KYNU: variants seen among roughly 807,000 people sequenced by gnomAD.
The protein encoded by KYNU is kynureninase.
In KYNU, 54 loss-of-function variants were observed where a neutral mutation model predicts 59.2. The ratio of observed to expected loss-of-function variants is 0.91; its 90% CI spans 0.73 to 1.14. The LOEUF (loss-of-function observed/expected upper bound fraction) is 1.14. Among genes scored for constraint, KYNU ranks in the 50% most tolerant of loss-of-function variants. The pLI, the probability that KYNU is intolerant of heterozygous loss-of-function variation, is 0.00. For missense variants in KYNU, 567 were observed against 554.4 expected, an observed-to-expected ratio of 1.02 and a Z score of -0.23; for synonymous variants, 177 against 192.0, an observed-to-expected ratio of 0.92 and a Z score of 0.65.
chr2:143,010,254 T>C (rs1396269448), intron 10 of KYNU, among the ~76,000 whole-genome samples: 1 of 78,812 alleles, frequency 1.3e-5, no homozygotes, highest in Non-Finnish European at 2.3e-5. Flanking sequence ...ACAAGCATTC[T>C]TATACACCAA....
At chr2:142,945,569 G>T (rs570036568) in intron 4 of KYNU, among the ~76,000 whole-genome samples, 2 of 152,052 alleles carry the variant, frequency 1.3e-5, no homozygotes, top group South Asian at 4.2e-4. Flanking sequence ...AACTTCCCCA[G>T]TTCCTGTTCA....
chr2:142,929,912 C>T (rs1224188893), intron 4 of KYNU, among the ~76,000 whole-genome samples: 1 of 152,168 alleles, frequency 6.6e-6, no homozygotes, highest in Non-Finnish European at 1.5e-5. Flanking sequence ...GTTCTAGTCT[C>T]TCAGTTCATC....
intron 10 of KYNU, among the ~76,000 whole-genome samples, chr2:143,013,363 G>C (rs1410956525): frequency 1.3e-5 from 2 of 150,204 alleles, no homozygotes; most frequent in African/African-American, 2.5e-5. Context: ...GGACACTTAG[G>C]TTGATCCCAA....
At chr2:142,961,078 A>G (rs1241146146) in intron 8 of KYNU, among the ~76,000 whole-genome samples, 1 of 151,786 alleles carries the variant, frequency 6.6e-6, no homozygotes, top group African/African-American at 2.4e-5. Context: ...CTGTAATCCC[A>G]GCTATTCGGG....
chr2:142,879,443 T>C (rs553434011), intron 1 of KYNU: 1 of 152,316 alleles, frequency 6.6e-6, no homozygotes, highest in Non-Finnish European at 1.5e-5. Flanking sequence ...AATTCATACG[T>C]AGCTTGTGGT....
rs772375030 is a variant in KYNU at position 142,956,257 on chromosome 2, G to T, written c.490G>T (p.Ala164Ser). 2.5e-6 allele frequency: 4 copies of T among 1,601,108 alleles called. No homozygotes were observed. The highest frequency in any genetic ancestry group is 3.4e-6 in the Non-Finnish European group (4 of 1,168,864). The change falls in exon 6 of 14, where the codon GCC becomes TCC. Residue 164 changes from alanine (A) to serine (S), a missense_variant. By Grantham distance (99) the Ala-to-Ser change is moderately conservative. Transcript: ENST00000264170. Reference protein sequence around the residue: ...KRYKILLEAKAFPSDHYAIES... With the variant: ...KRYKILLEAKSFPSDHYAIES... ...ATATAAAATTCTTCTAGAAGCCAAA[G>T]CCTTCCCTTCTGATCATGTAAGGAC...
chr2:142,902,789 G>C (rs1032272789), intron 2 of KYNU, among the ~76,000 whole-genome samples: 2 of 152,232 alleles, frequency 1.3e-5, no homozygotes, highest in African/African-American at 4.8e-5. Flanking sequence ...GTTCAGGTAT[G>C]AGAACTGTCT....
intron 10 of KYNU, among the ~76,000 whole-genome samples, chr2:143,023,389 A>G (rs958168159): frequency 3.9e-5 from 6 of 151,948 alleles, no homozygotes; most frequent in Non-Finnish European, 8.8e-5. Context: ...GTTATAGTCA[A>G]CATTTTATGA....
intron 10 of KYNU, among the ~76,000 whole-genome samples, chr2:143,001,193 T>C (rs1207051917): frequency 3.3e-5 from 5 of 152,146 alleles, no homozygotes; most frequent in Non-Finnish European, 1.5e-5. Flanking sequence ...GACAAAGGCA[T>C]GAACACTAGG....
At chr2:143,015,709 T>G (rs1225571505) in intron 10 of KYNU, among the ~76,000 whole-genome samples, 1 of 152,048 alleles carries the variant, frequency 6.6e-6, no homozygotes, top group Non-Finnish European at 1.5e-5. Context: ...CAGTGAAATA[T>G]AAACATAGAT....
At chr2:142,957,603 C>T (rs749236812) in intron 6 of KYNU, 38 bp from the exon 7 acceptor site, 2 of 1,233,982 alleles carry the variant, frequency 1.6e-6, no homozygotes, top group South Asian at 1.2e-5. Flanking sequence ...TCTGTGCTCT[C>T]AGCTTGATTT....
chr2:142,945,089 A>T (rs1193298005), intron 4 of KYNU, among the ~76,000 whole-genome samples: 1 of 152,188 alleles, frequency 6.6e-6, no homozygotes, highest in African/African-American at 2.4e-5. Flanking sequence ...CTGCTGACCA[A>T]TTGGGATGGT....
At chr2:143,041,155 A>T (rs1687031910) in intron 13 of KYNU, among the ~76,000 whole-genome samples, 1 of 151,588 alleles carries the variant, frequency 6.6e-6, no homozygotes, top group South Asian at 2.1e-4. Context: ...GCAAGGAATA[A>T]TTTTTTTTTA....
intron 8 of KYNU, among the ~76,000 whole-genome samples, chr2:142,962,654 GA>G (rs1193039207): frequency 7.9e-5 from 12 of 152,228 alleles, no homozygotes; most frequent in African/African-American, 2.9e-4. Context: ...TAGTCTCATA[GA>G]ACTCTCAGTC....
chr2:142,988,940 G>A, intron 10 of KYNU: 1 of 1,482,530 alleles, frequency 6.7e-7, no homozygotes, highest in East Asian at 2.3e-5. Context: ...TCCCTGATAG[G>A]AAAAGAAATG....
intron 4 of KYNU, among the ~76,000 whole-genome samples, chr2:142,952,567 G>T (rs1322931164): frequency 6.6e-6 from 1 of 151,908 alleles, no homozygotes; most frequent in Non-Finnish European, 1.5e-5. Context: ...CTCCAGAGTA[G>T]CTGGAACTAT....
chr2:142,994,912 A>G (rs1347093279), intron 10 of KYNU, among the ~76,000 whole-genome samples: 1 of 152,136 alleles, frequency 6.6e-6, no homozygotes, highest in Non-Finnish European at 1.5e-5. Flanking sequence ...CAAATTAAAT[A>G]TGCATTTCCA....
intron 10 of KYNU, among the ~76,000 whole-genome samples, chr2:143,005,208 A>C (rs1169346428): frequency 6.6e-6 from 1 of 152,224 alleles, no homozygotes; most frequent in Non-Finnish European, 1.5e-5. Flanking sequence ...CTGCAGTCAC[A>C]GATGGAGAGA....
chr2:143,011,421 T>C (rs1686094572), intron 10 of KYNU, among the ~76,000 whole-genome samples: 1 of 131,926 alleles, frequency 7.6e-6, no homozygotes, highest in Non-Finnish European at 1.6e-5. Context: ...CAACAGGTGC[T>C]GGAGAGGATG....
Sources: gnomAD v4.1 joint callset for allele counts (sites outside exome capture counted in the v4.1 genomes callset) on GRCh38, gnomAD v4.1.1 for gene constraint, MANE v1.5 for transcripts, NCBI Gene and HGNC (gene_info 2026-07-23, HGNC 2026-07-21) for gene names.